COL5A2: variants seen among roughly 807,000 people sequenced by gnomAD.
The protein encoded by COL5A2 is collagen alpha-2(V) chain.
Under a neutral mutation model 208.2 loss-of-function variants are expected in COL5A2, and 23 were observed. The ratio of observed to expected loss-of-function variants is 0.11; its 90% CI spans 0.08 to 0.16. The LOEUF (loss-of-function observed/expected upper bound fraction) is 0.16, where lower values mean the gene tolerates loss of function less well. Ranked by LOEUF, COL5A2 falls within the 10% of genes least tolerant of loss-of-function variation. COL5A2 has a pLI of 1.00. For missense variants in COL5A2, 1,590 were observed against 1,956.4 expected (o/e 0.81, Z 3.53); for synonymous variants, 625 against 628.5 (o/e 0.99, Z 0.08).
At position 189,079,043 on chromosome 2, in the gene COL5A2, A is replaced by C; in HGVS notation, c.1005+20T>G. On this transcript the variant is annotated intron_variant, in intron 15 of 53. Coordinates refer to ENST00000374866, the MANE Select transcript of COL5A2 (RefSeq NM_000393.5). ...AAATATAACCTTAGAAATTTAAGAAACAAGAAAACGAGCACATACCAGAGG... is the reference window on the plus strand; with the variant it reads ...AAATATAACCTTAGAAATTTAAGAACCAAGAAAACGAGCACATACCAGAGG... The C allele has an allele frequency of 6.2e-7, 1 of 1,601,066 alleles. No homozygotes were observed. Among genetic ancestry groups the C allele is most frequent in the Non-Finnish European group, 8.6e-7 (1 of 1,168,572 alleles).
intron 50 of COL5A2, among the ~76,000 whole-genome samples, chr2:189,041,194 G>A (rs1245652731): frequency 6.6e-6 from 1 of 152,132 alleles, no homozygotes; most frequent in Non-Finnish European, 1.5e-5. Flanking sequence ...TTTCAATGGA[G>A]AAAAACTTCA....
upstream of COL5A2, among the ~76,000 whole-genome samples, chr2:189,184,518 TC>T (rs1395887909): frequency 6.6e-6 from 1 of 152,184 alleles, no homozygotes; most frequent in African/African-American, 2.4e-5. Context: ...AAAATCTATT[TC>T]CTTGTTTTTT....
chr2:189,248,009 T>C, the COL5A2 span, among the ~76,000 whole-genome samples: 1 of 152,242 alleles, frequency 6.6e-6, no homozygotes, highest in Non-Finnish European at 1.5e-5. Flanking sequence ...CTAATTTTTC[T>C]AGAAATAAAA....
the COL5A2 span, among the ~76,000 whole-genome samples, chr2:189,324,321 T>C: frequency 2.6e-5 from 4 of 152,166 alleles, no homozygotes; most frequent in South Asian, 2.1e-4. Flanking sequence ...AAATGGGATC[T>C]AATTAAACTA....
the COL5A2 span, among the ~76,000 whole-genome samples, chr2:189,283,161 G>A: frequency 1.3e-5 from 2 of 151,650 alleles, no homozygotes; most frequent in Non-Finnish European, 2.9e-5. Flanking sequence ...AGTAAATGCT[G>A]TTGACTTGTT....
the COL5A2 span, among the ~76,000 whole-genome samples, chr2:189,257,014 G>C: frequency 6.6e-6 from 1 of 152,168 alleles, no homozygotes; most frequent in Non-Finnish European, 1.5e-5. Context: ...TATTTGCAAG[G>C]TTTCCTATTA....
At chr2:189,149,668 C>T (rs1688107971) in intron 1 of COL5A2, among the ~76,000 whole-genome samples, 1 of 152,176 alleles carries the variant, frequency 6.6e-6, no homozygotes, top group Admixed American at 6.5e-5. Flanking sequence ...AATGAAGAAA[C>T]TATAAGTGAA....
At chr2:189,312,776 C>T in the COL5A2 span, among the ~76,000 whole-genome samples, 14 of 151,692 alleles carry the variant, frequency 9.2e-5, no homozygotes, top group East Asian at 1.9e-4. Flanking sequence ...ACTGGTGATA[C>T]GTCTAGGTAC....
Position 189,036,651 on chromosome 2 carries a change from C to T in COL5A2, c.4078G>A (p.Val1360Ile). Residue 1360 changes from valine (V) to isoleucine (I), a missense_variant, in exon 52 of 54, where the codon GTT becomes ATT. Val to Ile is a conservative substitution (Grantham distance 29). Coordinates refer to ENST00000374866, the MANE Select transcript of COL5A2 (RefSeq NM_000393.5). The part of the protein sequence containing the change: ...WASKSPDNKP[V>I]WYGLDMNRGS... ...CTGTTCATATCAAGACCATACCAAA[C>T]AGGTTTATTGTCAGGAGATTTACTG... 1 of 1,613,692 alleles carries T rather than the reference C, an allele frequency of 6.2e-7. No individual in the cohort carries two copies. Among genetic ancestry groups the T allele is most frequent in the Non-Finnish European group, 8.5e-7 (1 of 1,179,688 alleles).
At chr2:189,213,561 C>T (rs1689242318) in intron 1 of COL5A2, among the ~76,000 whole-genome samples, 2 of 152,164 alleles carry the variant, frequency 1.3e-5, no homozygotes, top group African/African-American at 4.8e-5. Flanking sequence ...AGAGGAACTG[C>T]ACCATCACTA....
the COL5A2 span, among the ~76,000 whole-genome samples, chr2:189,299,968 C>T: frequency 6.6e-6 from 1 of 152,054 alleles, no homozygotes; most frequent in Non-Finnish European, 1.5e-5. Context: ...CTTTAAAATT[C>T]ATCATAAGTA....
intron 1 of COL5A2, among the ~76,000 whole-genome samples, chr2:189,220,882 T>G (rs965690610): frequency 1.3e-5 from 2 of 152,180 alleles, no homozygotes; most frequent in Non-Finnish European, 2.9e-5. Flanking sequence ...ACCTTCTAAC[T>G]TATTCTCATT....
At chr2:189,202,617 A>G (rs1689092738) in intron 1 of COL5A2, among the ~76,000 whole-genome samples, 1 of 152,158 alleles carries the variant, frequency 6.6e-6, no homozygotes, top group Non-Finnish European at 1.5e-5. Flanking sequence ...TAATAGTAGT[A>G]CATAAGTGTG....
chr2:189,356,120 A>AGGG, the COL5A2 span, among the ~76,000 whole-genome samples: 1 of 152,214 alleles, frequency 6.6e-6, no homozygotes, highest in African/African-American at 2.4e-5. Flanking sequence ...TCTGGCTTGT[A>AGGG]GGGTTTCTGC....
chr2:189,311,692 A>C, the COL5A2 span: 4 of 752,782 alleles, frequency 5.3e-6, no homozygotes, highest in Non-Finnish European at 9.5e-6. Context: ...CTCCAACCTC[A>C]GTGGACTGCA....
intron 1 of COL5A2, among the ~76,000 whole-genome samples, chr2:189,170,757 A>G (rs908848525): frequency 6.6e-6 from 1 of 152,114 alleles, no homozygotes; most frequent in Non-Finnish European, 1.5e-5. Flanking sequence ...TAAAAAAAAA[A>G]GTCACACAGA....
the COL5A2 span, among the ~76,000 whole-genome samples, chr2:189,387,402 A>G: frequency 1.3e-5 from 2 of 152,144 alleles, no homozygotes. Flanking sequence ...GTTATGCCCT[A>G]AACCTCAGCA....
In COL5A2 at chr2:189,072,106, A is replaced by G; in HGVS notation, c.1105-13T>C. On this transcript the variant is annotated splice_polypyrimidine_tract_variant and intron_variant, in intron 17 of 53. Coordinates refer to ENST00000374866, the MANE Select transcript of COL5A2 (RefSeq NM_000393.5). ...TCCCAAGAGGACCCTATTAAAAGAA[A>G]CCAGAAAAGTAATCAGACATGTATT... The G allele has an allele frequency of 6.3e-7, 1 of 1,596,940 alleles. No homozygotes were observed. Among genetic ancestry groups the G allele is most frequent in the South Asian group, 1.1e-5 (1 of 89,840 alleles).
At chr2:189,196,499 C>T (rs2105851632) in intron 1 of COL5A2, among the ~76,000 whole-genome samples, 1 of 144,314 alleles carries the variant, frequency 6.9e-6, no homozygotes, top group South Asian at 2.3e-4. Context: ...CTCTCTTTTC[C>T]CTCTATTTGT....
Sources: gnomAD v4.1 joint callset for allele counts (sites outside exome capture counted in the v4.1 genomes callset) on GRCh38, gnomAD v4.1.1 for gene constraint, MANE v1.5 for transcripts, NCBI Gene and HGNC (gene_info 2026-07-23, HGNC 2026-07-21) for gene names.